The following HACD4 variants were observed in gnomAD, a reference collection of about 807,000 sequenced individuals.
The protein encoded by HACD4 is very-long-chain (3R)-3-hydroxyacyl-CoA dehydratase 4.
HACD4 carries 35 observed loss-of-function variants against 33.3 expected under a neutral mutation model. That is an observed-to-expected ratio of 1.05 (90% CI 0.80 to 1.39). HACD4 has a LOEUF of 1.39. HACD4 is among the 40% of genes most tolerant of loss of function. HACD4 has a pLI of 0.00. For synonymous variants in HACD4, 118 were observed against 98.0 expected, an observed-to-expected ratio of 1.20 and a Z score of -1.21; for missense variants, 323 against 276.5, an observed-to-expected ratio of 1.17 and a Z score of -1.19.
At position 21,003,542 on chromosome 9, in the gene HACD4, A is replaced by G. The variant is rs1315410850; in HGVS notation, c.*3495T>C. The G allele has an allele frequency of 6.6e-6, 1 of 152,166 alleles. No homozygotes were observed. The highest frequency in any genetic ancestry group is 1.5e-5 in the Non-Finnish European group (1 of 68,010). The allele number at this position is 152,166 out of a possible 1,614,324, so 9.4% of individuals were successfully genotyped here. A position where few individuals can be genotyped will look rare whatever the true frequency, so the allele number is the denominator to read the frequency against. ...AAGGATAATTTTTTAAAATCCAAAT[A>G]TATTTATAAAGATTTCAAGTAGCCT... On this transcript the variant is annotated 3_prime_UTR_variant, in exon 7 of 7. Transcript: ENST00000495827.
At chr9:21,028,116 CAA>C (rs1818109900) in intron 2 of HACD4, among the ~76,000 whole-genome samples, 2 of 97,810 alleles carry the variant, frequency 2.0e-5, no homozygotes, top group Admixed American at 1.6e-4. Flanking sequence ...GCCTGGGCGA[CAA>C]GAGGGAAACT....
At chr9:21,022,840 C>A (rs1435588504) in intron 3 of HACD4, among the ~76,000 whole-genome samples, 1 of 151,880 alleles carries the variant, frequency 6.6e-6, no homozygotes, top group Non-Finnish European at 1.5e-5. Context: ...ACTAGAAATA[C>A]CATTTGACCC....
chr9:21,012,676 A>G (rs1842464469), intron 4 of HACD4, among the ~76,000 whole-genome samples: 1 of 152,230 alleles, frequency 6.6e-6, no homozygotes, highest in African/African-American at 2.4e-5. Context: ...GCATATAATC[A>G]AGCTTTTTGA....
intron 4 of HACD4, 81 bp from the exon 5 acceptor site, chr9:21,011,776 C>A: frequency 2.9e-6 from 2 of 698,274 alleles, no homozygotes; most frequent in African/African-American, 1.8e-5. Context: ...TAATTAAATA[C>A]AGAGATACAA....
rs1423000643 is a variant in HACD4, at chr9:21,003,377, C to A, written c.*3660G>T. On this transcript the variant is annotated 3_prime_UTR_variant, in exon 7 of 7. Coordinates refer to ENST00000495827, the MANE Select transcript of HACD4 (RefSeq NM_001010915.5). ...ACATGTACTTCGGCAGTGTAAGGAG[C>A]CATCTTTATTTGGAGTGATTAAGAT... 6.6e-6 allele frequency: 1 copy of A among 151,968 alleles called. No individual in the cohort carries two copies. Among genetic ancestry groups the A allele is most frequent in the Non-Finnish European group, 1.5e-5 (1 of 67,972 alleles). 9.4% of individuals were successfully genotyped at this position (151,968 alleles called of 1,614,324 possible). A position where few individuals can be genotyped will look rare whatever the true frequency, so the allele number is the denominator to read the frequency against.
rs1423082203 is a variant in HACD4, at chr9:21,001,620, C to G, written c.*5417G>C. The G allele has an allele frequency of 6.6e-6, 1 of 152,078 alleles. No individual in the cohort carries two copies. The highest frequency in any genetic ancestry group is 1.9e-4 in the East Asian group (1 of 5,198). The allele number at this position is 152,078 out of a possible 1,614,324, so 9.4% of individuals were successfully genotyped here. On this transcript the variant is annotated 3_prime_UTR_variant, in exon 7 of 7. Coordinates refer to ENST00000495827, the MANE Select transcript of HACD4 (RefSeq NM_001010915.5). ...GACAGAAAGAGAATCTTGAAAGTAG[C>G]ATGAAAAAATCAATTCATCACATAT... is the stretch of plus-strand genomic sequence containing the variant.
chr9:21,011,053 G>A (rs1042119136), intron 5 of HACD4, among the ~76,000 whole-genome samples: 16 of 152,108 alleles, frequency 1.1e-4, no homozygotes, highest in Non-Finnish European at 1.9e-4. Flanking sequence ...TGGGATCATG[G>A]CCTAGTTTGG....
intron 3 of HACD4, among the ~76,000 whole-genome samples, chr9:21,023,700 G>A (rs1817990258): frequency 6.6e-6 from 1 of 150,868 alleles, no homozygotes; most frequent in African/African-American, 2.4e-5. Flanking sequence ...TCAGCCTCCC[G>A]AGTAGCTGGG....
chr9:21,024,144 CA>C (rs1818005773), intron 3 of HACD4, among the ~76,000 whole-genome samples: 1 of 152,194 alleles, frequency 6.6e-6, no homozygotes, highest in Non-Finnish European at 1.5e-5. Flanking sequence ...ACTTTGGGCA[CA>C]AAGGCATGTT....
At chr9:21,023,412 C>T (rs1399909893) in intron 3 of HACD4, among the ~76,000 whole-genome samples, 1 of 151,924 alleles carries the variant, frequency 6.6e-6, no homozygotes, top group African/African-American at 2.4e-5. Flanking sequence ...AAACACAGCA[C>T]AAAAACAAAC....
intron 5 of HACD4, among the ~76,000 whole-genome samples, chr9:21,009,384 G>A (rs1221970346): frequency 1.3e-5 from 2 of 152,134 alleles, no homozygotes; most frequent in South Asian, 2.1e-4. Context: ...AGGGTTGTAT[G>A]GCAACCATAT....
chr9:21,010,931 C>G (rs899841949), intron 5 of HACD4, among the ~76,000 whole-genome samples: 1 of 152,160 alleles, frequency 6.6e-6, no homozygotes, highest in Non-Finnish European at 1.5e-5. Context: ...GGAGGTAGAG[C>G]TCAGGCGATA....
At chr9:21,014,264 A>G (rs1348093348) in intron 4 of HACD4, among the ~76,000 whole-genome samples, 2 of 152,224 alleles carry the variant, frequency 1.3e-5, no homozygotes, top group African/African-American at 4.8e-5. Flanking sequence ...AAGCTTGTAT[A>G]TGGATGTTCA....
At chr9:21,021,888 T>C (rs943240789) in intron 3 of HACD4, among the ~76,000 whole-genome samples, 4 of 152,092 alleles carry the variant, frequency 2.6e-5, no homozygotes, top group African/African-American at 9.7e-5. Flanking sequence ...ACTTTAAAGT[T>C]CATATGGAAC....
chr9:21,015,586 T>C (rs578180036), intron 4 of HACD4: 1 of 206,806 alleles, frequency 4.8e-6, no homozygotes, highest in African/African-American at 2.3e-5. Context: ...AAAGCAACCG[T>C]ACTAAAGCAA....
intron 1 of HACD4, among the ~76,000 whole-genome samples, chr9:21,030,538 A>G (rs937820198): frequency 7.9e-5 from 12 of 152,248 alleles, no homozygotes; most frequent in African/African-American, 2.4e-4. Flanking sequence ...CCAGTAGCTC[A>G]GCTTGCTAAG....
At chr9:21,015,222 G>C (rs1013593530) in intron 4 of HACD4, 4 of 151,962 alleles carry the variant, frequency 2.6e-5, no homozygotes, top group Non-Finnish European at 4.4e-5. Context: ...AAACAAACTA[G>C]GGCTCTTTTG....
At chr9:21,007,737 C>T (rs1842304176) in intron 6 of HACD4, among the ~76,000 whole-genome samples, 1 of 152,130 alleles carries the variant, frequency 6.6e-6, no homozygotes, top group Non-Finnish European at 1.5e-5. Context: ...TTGTAGATAC[C>T]TGTGCACATG....
intron 3 of HACD4, among the ~76,000 whole-genome samples, chr9:21,018,438 C>G (rs1055367791): frequency 6.6e-6 from 1 of 152,210 alleles, no homozygotes; most frequent in African/African-American, 2.4e-5. Context: ...GTTACTCCAT[C>G]ACCTAGTATC....
Sources: allele counts gnomAD v4.1 joint callset (sites outside exome capture counted in the v4.1 genomes callset), GRCh38; gene constraint gnomAD v4.1.1; transcripts MANE v1.5; gene names NCBI Gene and HGNC (gene_info 2026-07-23, HGNC 2026-07-21).